TOX3: variants seen among roughly 807,000 people sequenced by gnomAD.
TOX3 encodes the protein CAG trinucleotide repeat-containing gene F9 protein.
A neutral mutation model predicts 64.3 loss-of-function variants in TOX3; 22 were observed. That is an observed-to-expected ratio of 0.34 (90% CI 0.24 to 0.49). The LOEUF (loss-of-function observed/expected upper bound fraction) is 0.49. TOX3 is among the 20% of genes least tolerant of loss of function. TOX3 has a pLI of 0.99. For synonymous variants in TOX3, 291 were observed against 273.6 expected, an observed-to-expected ratio of 1.06 and a Z score of -0.63; for missense variants, 661 against 714.4, an observed-to-expected ratio of 0.93 and a Z score of 0.85.
At chr16:52,537,134 T>A (rs1962968111) in intron 1 of TOX3, among the ~76,000 whole-genome samples, 1 of 152,030 alleles carries the variant, frequency 6.6e-6, no homozygotes, top group South Asian at 2.1e-4. Context: ...TAGCCCCACT[T>A]CAAAATGTCA....
chr16:52,501,681 C>CA lies in TOX3; in HGVS notation c.88-33108dup, dbSNP rs1213262658. On this transcript the variant is annotated intron_variant, in intron 1 of 6. Transcript: ENST00000219746. Reference sequence around the variant, plus strand: ...TCTCAAAAACAAACAAACAAACAAACAAAAAAAAAAACAGAGAGAGAATTA... The same window carrying CA: ...TCTCAAAAACAAACAAACAAACAAACAAAAAAAAAAAACAGAGAGAGAATTA... 7.6e-3 allele frequency among the ~76,000 whole-genome samples: 1,069 copies of CA among 140,656 alleles called. 9 individuals are homozygous for CA. The highest frequency in any genetic ancestry group is 0.021 in the African/African-American group (772 of 36,658). 92.3% of individuals were successfully genotyped at this position (140,656 alleles called of 152,430 possible).
chr16:52,510,778 AAAGAAGAAG>A (rs71141198), intron 1 of TOX3, among the ~76,000 whole-genome samples: 1 of 115,142 alleles, frequency 8.7e-6, no homozygotes, highest in South Asian at 2.8e-4. Context: ...AAAAAAAAAA[AAAGAAGAAG>A]AAGAAGAAGA....
Position 52,464,773 on chromosome 16 carries a change from T to A in TOX3, c.154-585A>T, listed in dbSNP as rs189194485. Among the ~76,000 whole-genome samples the A allele has an allele frequency of 5.1e-3, 777 of 152,310 alleles. 10 individuals are homozygous for A. The highest frequency in any genetic ancestry group is 0.018 in the African/African-American group (731 of 41,582). On this transcript the variant is annotated intron_variant, in intron 2 of 6. Transcript: ENST00000219746. ...ATGTTTTATATAAGGATTATCATAG[T>A]TCATATTAAAAGATGCCAGCGCTTT...
intron 2 of TOX3, among the ~76,000 whole-genome samples, chr16:52,466,194 T>G (rs1301785064): frequency 6.6e-6 from 1 of 152,258 alleles, no homozygotes; most frequent in East Asian, 1.9e-4. Context: ...ATGTGGCATT[T>G]GGCTGTTTTC....
intron 3 of TOX3, among the ~76,000 whole-genome samples, chr16:52,461,819 T>C (rs908267309): frequency 2.6e-5 from 4 of 152,090 alleles, no homozygotes; most frequent in African/African-American, 9.7e-5. Context: ...TGTTATGATG[T>C]AGCCAGCCAA....
intron 1 of TOX3, among the ~76,000 whole-genome samples, chr16:52,478,573 G>A (rs147542599): frequency 2.5e-3 from 376 of 152,304 alleles, no homozygotes; most frequent in African/African-American, 8.6e-3. Context: ...AGAATAGACA[G>A]TCCATTTGTC....
At chr16:52,469,050 G>GCA (rs1400978910) in intron 1 of TOX3, among the ~76,000 whole-genome samples, 2 of 152,328 alleles carry the variant, frequency 1.3e-5, no homozygotes. Context: ...CTATTTTCTA[G>GCA]TGAATGGGGT....
intron 1 of TOX3, among the ~76,000 whole-genome samples, chr16:52,545,782 G>A (rs1242153234): frequency 6.6e-6 from 1 of 152,132 alleles, no homozygotes; most frequent in East Asian, 1.9e-4. Context: ...TGGTGGGGGG[G>A]AATTCCGCGC....
intron 1 of TOX3, among the ~76,000 whole-genome samples, chr16:52,472,039 C>G (rs1961061933): frequency 6.6e-6 from 1 of 152,080 alleles, no homozygotes; most frequent in Non-Finnish European, 1.5e-5. Context: ...GTTAGAATTT[C>G]CCAGAGGTAC....
chr16:52,504,192 C>A (rs944379454), intron 1 of TOX3, among the ~76,000 whole-genome samples: 19 of 151,960 alleles, frequency 1.3e-4, no homozygotes, highest in Admixed American at 1.3e-4. Context: ...AAAGGCCAGG[C>A]GCGGTGGCTC....
rs1425662404 is a variant in TOX3, at chr16:52,440,748, C to CTTT, written c.988-783_988-781dup. On this transcript the variant is annotated intron_variant, in intron 6 of 6. Transcript: ENST00000219746. ...ATTGGGTTATATGGTATTTTTCTTT[C>CTTT]TTTCTTTTTTTTTTTTTTTTTTTTT... Among the ~76,000 whole-genome samples, 17 of 89,454 alleles carry CTTT rather than the reference C, an allele frequency of 1.9e-4. 4 individuals are homozygous for CTTT. The highest frequency in any genetic ancestry group is 4.9e-4 in the Admixed American group (4 of 8,222). The allele number at this position is 89,454 out of a possible 152,430, so 58.7% of individuals were successfully genotyped here.
rs45443692 is a variant in TOX3 at position 52,505,996 on chromosome 16, C to T, written c.88-37422G>A. Among the ~76,000 whole-genome samples, 697 of 152,106 alleles carry T rather than the reference C, an allele frequency of 4.6e-3. 2 individuals are homozygous for T. The highest frequency in any genetic ancestry group is 6.3e-3 in the Non-Finnish European group (427 of 68,014). ...GTCTCAAAAAAAGAAAAGAATTTCT[C>T]GGAAAGTCTTAATTTTTATCTAAAC... On this transcript the variant is annotated intron_variant, in intron 1 of 6. Transcript: ENST00000219746.
At chr16:52,541,752 T>A (rs535711085) in intron 1 of TOX3, among the ~76,000 whole-genome samples, 1 of 152,354 alleles carries the variant, frequency 6.6e-6, no homozygotes, top group East Asian at 1.9e-4. Context: ...TGGCTAACTA[T>A]ATGCTAGTCT....
In TOX3 at chr16:52,450,451, G is replaced by T; in HGVS notation, c.504C>A (p.Val168=). Residue 168 remains valine (V), a synonymous_variant, in exon 4 of 7, where the codon GTC becomes GTA. Transcript: ENST00000219746. ...TGGTGGTGAGCTGGGCAGGAGGCAT[G>T]ACCCCAGAACGCGCAGCATCGGTCA... ...VHMTDAARSG[V]MPPAQLTTIN... 1 of 1,614,048 alleles carries T rather than the reference G, an allele frequency of 6.2e-7. No homozygotes were observed. Among genetic ancestry groups the T allele is most frequent in the Non-Finnish European group, 8.5e-7 (1 of 1,179,890 alleles).
chr16:52,472,194 T>G (rs1961069079), intron 1 of TOX3, among the ~76,000 whole-genome samples: 1 of 152,114 alleles, frequency 6.6e-6, no homozygotes, highest in South Asian at 2.1e-4. Flanking sequence ...CAACAAATAT[T>G]TATGTGCCTA....
In TOX3 at chr16:52,451,545, G is replaced by A. The variant is rs575223334; in HGVS notation, c.409-999C>T. On this transcript the variant is annotated intron_variant, in intron 3 of 6. Transcript: ENST00000219746. ...TCATTTGGAGTGAGTCTGTGATTTT[G>A]CTGAAACCAAATTCTCTTGACTCAC... Among the ~76,000 whole-genome samples, 431 of 152,068 alleles carry A rather than the reference G, an allele frequency of 2.8e-3. 6 individuals are homozygous for A. The highest frequency in any genetic ancestry group is 0.027 in the South Asian group (128 of 4,812).
At chr16:52,535,111 A>G (rs1251741857) in intron 1 of TOX3, among the ~76,000 whole-genome samples, 1 of 152,208 alleles carries the variant, frequency 6.6e-6, no homozygotes, top group African/African-American at 2.4e-5. Context: ...AAGTTTAGGA[A>G]AAACAAGAAC....
chr16:52,455,800 G>GA (rs1414868522), intron 3 of TOX3, among the ~76,000 whole-genome samples: 1 of 152,180 alleles, frequency 6.6e-6, no homozygotes, highest in African/African-American at 2.4e-5. Context: ...CTTGAGAAAT[G>GA]AAAAGGTGGA....
chr16:52,442,494 C>G (rs1035014733), intron 6 of TOX3, among the ~76,000 whole-genome samples: 1 of 152,168 alleles, frequency 6.6e-6, no homozygotes, highest in African/African-American at 2.4e-5. Flanking sequence ...GTTATTCTAA[C>G]ATGATGTGAT....
Sources: gnomAD v4.1 joint callset for allele counts (sites outside exome capture counted in the v4.1 genomes callset) on GRCh38, gnomAD v4.1.1 for gene constraint, MANE v1.5 for transcripts, NCBI Gene and HGNC (gene_info 2026-07-23, HGNC 2026-07-21) for gene names.